The following MYH11 variants were observed in gnomAD, a reference collection of about 807,000 sequenced individuals.
MYH11 encodes the protein myosin heavy chain 11.
MYH11 carries 80 observed loss-of-function variants against 246.6 expected under a neutral mutation model. The ratio of observed to expected loss-of-function variants is 0.32; its 90% confidence interval spans 0.27 to 0.39. The LOEUF (loss-of-function observed/expected upper bound fraction) is 0.39. Ranked by LOEUF, MYH11 falls within the 10% of genes least tolerant of loss-of-function variation. MYH11 has a pLI of 1.00. For missense variants in MYH11, 2,158 were observed against 2,546.8 expected (o/e 0.85, Z 3.29); for synonymous variants, 1,071 against 1,015.5 (o/e 1.05, Z -1.04).
At chr16:15,765,901 C>T (rs1466991370) in intron 9 of MYH11, among the ~76,000 whole-genome samples, 1 of 152,146 alleles carries the variant, frequency 6.6e-6, no homozygotes, top group African/African-American at 2.4e-5. Context: ...ACTAAAGATT[C>T]CTGAAATGCC....
intron 1 of MYH11, among the ~76,000 whole-genome samples, chr16:15,847,703 C>A (rs72773915): frequency 0.048 from 7,243 of 152,208 alleles, 253 homozygotes; most frequent in East Asian, 0.16. Flanking sequence ...CAAACAAGAT[C>A]AAGTGCAAAG....
At chr16:15,756,612 G>T in intron 13 of MYH11, 98 bp from the exon 14 acceptor site, 1 of 1,222,754 alleles carries the variant, frequency 8.2e-7, no homozygotes, top group Non-Finnish European at 1.2e-6. Flanking sequence ...GGCATCCGCC[G>T]AGATCTGATA....
chr16:15,730,941 C>T (rs1256304019), intron 27 of MYH11, among the ~76,000 whole-genome samples: 4 of 152,080 alleles, frequency 2.6e-5, no homozygotes, highest in East Asian at 1.9e-4. Context: ...CAAATTATGC[C>T]GGAGAGAGCT....
chr16:15,720,133 G>A lies in MYH11; in HGVS notation c.4953+18C>T, dbSNP rs371462392. On this transcript the variant is annotated intron_variant, in intron 34 of 40. Transcript: ENST00000300036. ...TGCCCTCCCTCCACCCATGCCCCAA[G>A]CTCCTAGTGTCACCCACCTGCAGTT... 4 of 1,613,974 alleles carry A rather than the reference G, an allele frequency of 2.5e-6. No homozygotes were observed. In the African/African-American group the frequency reaches 5.3e-5, roughly 22 times the overall value.
chr16:15,772,739 G>A (rs13333923), intron 8 of MYH11, among the ~76,000 whole-genome samples: 28,336 of 152,124 alleles, frequency 0.19, 2,891 homozygotes, highest in Middle Eastern at 0.25. Flanking sequence ...AGCAGCAGGT[G>A]AGCAAGTGAA....
At chr16:15,786,816 T>A in intron 4 of MYH11, 84 bp from the exon 5 acceptor site, 1 of 1,204,074 alleles carries the variant, frequency 8.3e-7, no homozygotes, top group Non-Finnish European at 1.2e-6. Flanking sequence ...ACAATAATGA[T>A]CATCACCACC....
intron 37 of MYH11, 189 bp downstream of exon 37, chr16:15,718,126 T>G: frequency 2.3e-6 from 2 of 853,216 alleles, no homozygotes; most frequent in Non-Finnish European, 3.7e-6. Flanking sequence ...TGGAGAGGAG[T>G]ATTCTGAAGA....
At chr16:15,749,921 T>C in intron 16 of MYH11, 2 of 621,734 alleles carry the variant, frequency 3.2e-6, no homozygotes, top group South Asian at 4.0e-5. Flanking sequence ...CTGGATGACC[T>C]GCACAGCAAC....
At chr16:15,768,392 A>G (rs774726458) in intron 9 of MYH11, among the ~76,000 whole-genome samples, 1 of 151,972 alleles carries the variant, frequency 6.6e-6, no homozygotes, top group Non-Finnish European at 1.5e-5. Flanking sequence ...GTGGTGGGGA[A>G]AATCCTGGTG....
At chr16:15,706,169 T>C (rs553767071) in intron 40 of MYH11, among the ~76,000 whole-genome samples, 42 of 152,106 alleles carry the variant, frequency 2.8e-4, no homozygotes, top group African/African-American at 9.6e-4. Context: ...CTGCAGCCAC[T>C]TCAAAGTAAA....
intron 36 of MYH11, chr16:15,718,682 T>A: frequency 1.7e-6 from 1 of 586,946 alleles, no homozygotes; most frequent in Non-Finnish European, 3.0e-6. Context: ...CCCTGACTCT[T>A]CCTGGCCTCC....
At chr16:15,769,329 AC>A (rs1293853666) in intron 9 of MYH11, among the ~76,000 whole-genome samples, 1 of 152,156 alleles carries the variant, frequency 6.6e-6, no homozygotes, top group Admixed American at 6.5e-5. Context: ...ACAAAACAAA[AC>A]AAAAACCCTA....
intron 3 of MYH11, among the ~76,000 whole-genome samples, chr16:15,804,398 T>C (rs2042962162): frequency 6.6e-6 from 1 of 152,116 alleles, no homozygotes; most frequent in African/African-American, 2.4e-5. Flanking sequence ...GGTGCACACC[T>C]GTAATCCCAG....
chr16:15,733,043 C>T (rs1567710637), intron 26 of MYH11: 1 of 390,384 alleles, frequency 2.6e-6, no homozygotes, highest in Non-Finnish European at 4.8e-6. Flanking sequence ...ATATGCCAGG[C>T]CCTGAGCTAA....
At chr16:15,822,760 A>G (rs1390772389) in intron 3 of MYH11, among the ~76,000 whole-genome samples, 1 of 152,198 alleles carries the variant, frequency 6.6e-6, no homozygotes, top group Non-Finnish European at 1.5e-5. Context: ...TAAACATGAA[A>G]GTAATAGGCA....
chr16:15,771,847 A>G (rs1313332369), intron 8 of MYH11, 135 bp from the exon 9 acceptor site: 5 of 1,111,710 alleles, frequency 4.5e-6, no homozygotes, highest in Non-Finnish European at 6.6e-6. Flanking sequence ...TAAAGCCCTC[A>G]CGCATCGTCA....
In MYH11 at chr16:15,724,667, T is replaced by A. The variant is rs147127121; in HGVS notation, c.4096A>T (p.Ile1366Phe). 2 of 1,614,172 alleles carry A rather than the reference T, an allele frequency of 1.2e-6. No homozygotes were observed. Among genetic ancestry groups the A allele is most frequent in the Admixed American group, 3.3e-5 (2 of 60,020 alleles). Reference sequence around the variant, plus strand: ...GGCACCTGGATGTTGAGAGTGGAGATGTGGCGCTCCAGGTTCTGCTTGGCC... The same window carrying A: ...GGCACCTGGATGTTGAGAGTGGAGAAGTGGCGCTCCAGGTTCTGCTTGGCC... ...MEAKQNLERH[I>F]STLNIQLSDS... Residue 1366 changes from isoleucine (I) to phenylalanine (F), a missense_variant, in exon 30 of 41, where the codon ATC (isoleucine) becomes TTC (phenylalanine). By Grantham distance (21) the Ile-to-Phe change is conservative (BLOSUM62 0). Transcript: ENST00000300036.
rs140479999 is a variant in MYH11, at chr16:15,737,507, C to T, written c.3235G>A (p.Ala1079Thr). 97 of 1,613,908 alleles carry T rather than the reference C, an allele frequency of 6.0e-5. No individual in the cohort carries two copies. Among genetic ancestry groups the T allele is most frequent in the African/African-American group, 2.0e-4 (15 of 75,042 alleles). ...TTGGCCAGCTGCATCTTGAGCTCTG[C>T]GATCTGCGCCTGGAGGTCAGCGATC... is the stretch of plus-strand genomic sequence containing the variant. ...EQIADLQAQI[A>T]ELKMQLAKKE... The change falls in exon 25 of 41, where the codon GCA becomes ACA. Residue 1079 changes from alanine to threonine, a missense_variant. By Grantham distance (58) the Ala-to-Thr change is moderately conservative. Around this residue, in one of 11 missense-constraint regions of MYH11, gnomAD observed 284 missense variants for 315.4 expected, o/e 0.90. Coordinates refer to ENST00000300036, the MANE Select transcript of MYH11 (RefSeq NM_002474.3).
chr16:15,720,050 G>A (rs2040383550), intron 34 of MYH11, 101 bp downstream of exon 34: 2 of 1,491,104 alleles, frequency 1.3e-6, no homozygotes. Context: ...ACCAATGGCA[G>A]GTGCAGGCTT....
Sources: gnomAD v4.1 joint callset for allele counts (sites outside exome capture counted in the v4.1 genomes callset) on GRCh38, gnomAD v4.1.1 for gene constraint, gnomAD v4.1.1 regional missense constraint, MANE v1.5 for transcripts, NCBI Gene and HGNC (gene_info 2026-07-23, HGNC 2026-07-21) for gene names.